Variants in RASSF3 observed in about 807,000 individuals in gnomAD.
RASSF3 encodes the protein ras association domain-containing protein 3.
RASSF3 carries 19 observed loss-of-function variants against 19.9 expected under a neutral mutation model. That is an observed-to-expected ratio of 0.96 (90% CI 0.67 to 1.40). The LOEUF is 1.40. RASSF3 is among the 40% of genes most tolerant of loss of function. The pLI, the probability that RASSF3 is intolerant of heterozygous loss-of-function variation, is 0.00. For synonymous variants in RASSF3, 110 were observed against 104.2 expected, an observed-to-expected ratio of 1.06 and a Z score of -0.34; for missense variants, 306 against 289.8, an observed-to-expected ratio of 1.06 and a Z score of -0.41.
chr12:64,667,164 G>A (rs923255136), intron 1 of RASSF3, among the ~76,000 whole-genome samples: 2 of 152,018 alleles, frequency 1.3e-5, no homozygotes, highest in African/African-American at 4.8e-5. Context: ...TTTCTAAGGT[G>A]TGTTTTTGTT....
At chr12:64,563,328 G>C (rs564428570) in intron 2 of RASSF3, among the ~76,000 whole-genome samples, 1 of 151,744 alleles carries the variant, frequency 6.6e-6, no homozygotes, top group Non-Finnish European at 1.5e-5. Context: ...CACCAGGCCC[G>C]GCTAAATTTT....
At chr12:64,654,650 GGGGGGGT>G (rs1232228081) in intron 1 of RASSF3, 1 of 92,512 alleles carries the variant, frequency 1.1e-5, no homozygotes, top group African/African-American at 5.3e-5. Context: ...TTGCGGGGGG[GGGGGGGT>G]GGGGGGAAGC....
At chr12:64,671,405 T>A (rs558948754) in intron 1 of RASSF3, among the ~76,000 whole-genome samples, 50 of 152,280 alleles carry the variant, frequency 3.3e-4, no homozygotes, top group African/African-American at 1.2e-3. Flanking sequence ...TGATCTTCTA[T>A]GCATGTTCAC....
intron 2 of RASSF3, among the ~76,000 whole-genome samples, chr12:64,589,354 G>T (rs941544022): frequency 6.6e-6 from 1 of 152,178 alleles, no homozygotes; most frequent in Non-Finnish European, 1.5e-5. Flanking sequence ...GGAGGCTGAG[G>T]CAGGAGAACT....
chr12:64,570,830 C>T (rs534064353), intron 2 of RASSF3, among the ~76,000 whole-genome samples: 9 of 152,272 alleles, frequency 5.9e-5, no homozygotes, highest in Middle Eastern at 3.4e-3. Flanking sequence ...AGCGTGGCTC[C>T]GTGAAGTGTC....
intron 1 of RASSF3, among the ~76,000 whole-genome samples, chr12:64,661,118 G>GGTAGCC (rs1872340640): frequency 6.6e-6 from 1 of 152,196 alleles, no homozygotes; most frequent in Non-Finnish European, 1.5e-5. Flanking sequence ...TCACTCAAAT[G>GGTAGCC]GTAGCCGTAG....
At position 64,558,127 on chromosome 12, in the gene RASSF3, A is replaced by G. The variant is rs144984584; in HGVS notation, c.294+16422A>G. On this transcript the variant is annotated intron_variant, in intron 2 of 5. Transcript: ENST00000637125. Reference sequence around the variant, plus strand: ...TCTCTTGCTCAAGGAATAGTGCCATACTGAGGGCCTGTTGTCTGTTTTGCT... The same window carrying G: ...TCTCTTGCTCAAGGAATAGTGCCATGCTGAGGGCCTGTTGTCTGTTTTGCT... 5.1e-4 allele frequency among the ~76,000 whole-genome samples: 77 copies of G among 152,266 alleles called. No individual in the cohort carries two copies. The East Asian group carries it at 0.011, about 23-fold the overall frequency.
intron 2 of RASSF3, among the ~76,000 whole-genome samples, chr12:64,568,911 C>A (rs1869475213): frequency 6.6e-6 from 1 of 152,130 alleles, no homozygotes; most frequent in Non-Finnish European, 1.5e-5. Flanking sequence ...AGGGTTTCAC[C>A]ATGTTAGCCA....
intron 1 of RASSF3, among the ~76,000 whole-genome samples, chr12:64,613,421 T>A (rs1391272564): frequency 6.6e-6 from 1 of 151,144 alleles, no homozygotes; most frequent in Non-Finnish European, 1.5e-5. Flanking sequence ...TTCTTGAAAA[T>A]ATCCGGAGAA....
intron 1 of RASSF3, among the ~76,000 whole-genome samples, chr12:64,611,872 G>A (rs929290340): frequency 6.6e-6 from 1 of 152,176 alleles, no homozygotes; most frequent in African/African-American, 2.4e-5. Context: ...AAATTCGGAA[G>A]TTCTAGTCTT....
chr12:64,557,306 G>T (rs559745352), intron 2 of RASSF3, among the ~76,000 whole-genome samples: 2 of 152,216 alleles, frequency 1.3e-5, no homozygotes, highest in South Asian at 4.1e-4. Context: ...TTACAGTGGG[G>T]CAAGGAAGTA....
chr12:64,649,956 CTT>C (rs1871880759), intron 1 of RASSF3, among the ~76,000 whole-genome samples: 1 of 152,206 alleles, frequency 6.6e-6, no homozygotes, highest in Non-Finnish European at 1.5e-5. Context: ...CCAGTATGCT[CTT>C]GTGTAGTTTT....
Position 64,586,052 on chromosome 12 carries a change from C to T in RASSF3, c.294+44347C>T, listed in dbSNP as rs551075697. On this transcript the variant is annotated intron_variant, in intron 2 of 5. Transcript: ENST00000637125. ...GAGACCATGCGAGGTGGGCCAGGCA[C>T]GGTGGCTCACGCCTGTAATCCCAGC... Among the ~76,000 whole-genome samples the T allele has an allele frequency of 1.2e-3, 184 of 151,618 alleles. No homozygotes were observed. In the Middle Eastern group the frequency reaches 0.014, roughly 11 times the overall value.
intron 1 of RASSF3, among the ~76,000 whole-genome samples, chr12:64,647,336 C>T (rs1203710416): frequency 6.6e-6 from 1 of 152,022 alleles, no homozygotes; most frequent in East Asian, 1.9e-4. Context: ...GCAGGCTCAG[C>T]CTCCCAGGCT....
chr12:64,532,447 G>A (rs184596121), upstream of RASSF3, among the ~76,000 whole-genome samples: 151 of 152,220 alleles, frequency 9.9e-4, no homozygotes, highest in Non-Finnish European at 1.6e-3. Context: ...AAGAAACATC[G>A]AGAGATTCTT....
At chr12:64,678,321 C>T (rs575887555) in intron 1 of RASSF3, among the ~76,000 whole-genome samples, 14 of 152,284 alleles carry the variant, frequency 9.2e-5, no homozygotes, top group East Asian at 1.9e-4. Context: ...CCAAAAGAGA[C>T]GATGAGATGA....
intron 1 of RASSF3, among the ~76,000 whole-genome samples, chr12:64,636,820 G>A (rs920125831): frequency 6.1e-5 from 9 of 148,640 alleles, no homozygotes; most frequent in South Asian, 2.1e-4. Context: ...GAGCGAAATC[G>A]CGCCATTGCA....
At chr12:64,662,872 A>G (rs540423324) in intron 1 of RASSF3, among the ~76,000 whole-genome samples, 1 of 152,226 alleles carries the variant, frequency 6.6e-6, no homozygotes, top group East Asian at 1.9e-4. Context: ...CTCCAGCAGC[A>G]AGGCTTAGGG....
At chr12:64,565,248 G>T (rs970523922) in intron 2 of RASSF3, among the ~76,000 whole-genome samples, 1 of 151,824 alleles carries the variant, frequency 6.6e-6, no homozygotes, top group African/African-American at 2.4e-5. Flanking sequence ...ACTGAGGGGA[G>T]GGTGTCTTTT....
Sources: allele counts gnomAD v4.1 joint callset (sites outside exome capture counted in the v4.1 genomes callset), GRCh38; gene constraint gnomAD v4.1.1; transcripts MANE v1.5; gene names NCBI Gene and HGNC (gene_info 2026-07-23, HGNC 2026-07-21).